The following EPAS1 variants were observed in gnomAD, a reference collection of about 807,000 sequenced individuals.
The protein encoded by EPAS1 is endothelial PAS domain protein 1, also known as endothelial PAS domain-containing protein 1.
EPAS1 carries 23 observed loss-of-function variants against 87.9 expected under a neutral mutation model. The ratio of observed to expected loss-of-function variants is 0.26; its 90% CI spans 0.19 to 0.37. The LOEUF is 0.37. Ranked by LOEUF, EPAS1 falls within the 10% of genes least tolerant of loss-of-function variation. The pLI, the probability that EPAS1 is intolerant of heterozygous loss-of-function variation, is 1.00. For synonymous variants in EPAS1, 508 were observed against 444.3 expected, an observed-to-expected ratio of 1.14 and a Z score of -1.80; for missense variants, 1,138 against 1,120.7, an observed-to-expected ratio of 1.02 and a Z score of -0.22.
chr2:46,313,617 A>G (rs1683255035), intron 1 of EPAS1, among the ~76,000 whole-genome samples: 1 of 151,820 alleles, frequency 6.6e-6, no homozygotes, highest in African/African-American at 2.4e-5. Context: ...ATGCCAGGCT[A>G]ATATTTGTAT....
At position 46,347,268 on chromosome 2, in the gene EPAS1, G is replaced by A; in HGVS notation, c.217+205G>A. ...ACCTTTACCGTGAATCCAGCTGTGA[G>A]AGGAGGGCAGGGACAGGACCAGGGA... On this transcript the variant is annotated intron_variant, in intron 2 of 15. Coordinates refer to ENST00000263734, the MANE Select transcript of EPAS1 (RefSeq NM_001430.5). This position sits in a 1 kb window ranked among gnomAD's most constrained non-coding sequence, Gnocchi z 4.2. 1.5e-6 allele frequency: 1 copy of A among 655,050 alleles called. No individual in the cohort carries two copies. The highest frequency in any genetic ancestry group is 2.7e-6 in the Non-Finnish European group (1 of 370,988). The allele number at this position is 655,050 out of a possible 1,614,324, so 40.6% of individuals were successfully genotyped here.
intron 1 of EPAS1, 36 bp downstream of exon 1, chr2:46,297,973 C>G (rs1198193433): frequency 1.2e-6 from 2 of 1,608,936 alleles, no homozygotes; most frequent in Non-Finnish European, 1.7e-6. Flanking sequence ...GGGGCCGGTC[C>G]GAGGCCAGGG....
chr2:46,362,971 G>A (rs1157623996), intron 6 of EPAS1, among the ~76,000 whole-genome samples: 8 of 87,212 alleles, frequency 9.2e-5, no homozygotes, highest in South Asian at 3.9e-4. Flanking sequence ...TGGTGGTGGT[G>A]GTGGTAGTGG....
At position 46,369,906 on chromosome 2, in the gene EPAS1, G is replaced by A. The variant is rs777687956; in HGVS notation, c.859G>A (p.Glu287Lys). The change falls in exon 7 of 16, where the codon GAG (glutamate) becomes AAG (lysine). Residue 287 changes from glutamate (E) to lysine (K), a missense_variant. Around this residue, in one of 4 missense-constraint regions of EPAS1, gnomAD observed 351 missense variants for 417.1 expected, o/e 0.84. Transcript: ENST00000263734. ...AYEFYHALDS[E>K]NMTKSHQNLC... ...TGAATTCTACCATGCGCTAGACTCC[G>A]AGAACATGACCAAGAGTCACCAGAA... The A allele has an allele frequency of 2.3e-5, 37 of 1,611,694 alleles. No individual in the cohort carries two copies. Among genetic ancestry groups the A allele is most frequent in the South Asian group, 8.8e-5 (8 of 90,416 alleles).
chr2:46,359,730 AGG>A (rs1344886335), intron 4 of EPAS1, among the ~76,000 whole-genome samples: 18 of 152,276 alleles, frequency 1.2e-4, no homozygotes, highest in African/African-American at 3.9e-4. Context: ...ATTCGAAACA[AGG>A]CTCTAGATTG....
At chr2:46,362,953 A>AGTGGTG (rs1159555840) in intron 6 of EPAS1, among the ~76,000 whole-genome samples, 45 of 78,088 alleles carry the variant, frequency 5.8e-4, no homozygotes, top group Middle Eastern at 0.015. Context: ...TGTAATTGTT[A>AGTGGTG]GTGGTGGTGG....
Position 46,380,828 on chromosome 2 carries a change from C to G in EPAS1, c.2045+111C>G. 1 of 1,543,048 alleles carries G rather than the reference C, an allele frequency of 6.5e-7. No individual in the cohort carries two copies. The highest frequency in any genetic ancestry group is 8.8e-7 in the Non-Finnish European group (1 of 1,133,810). On this transcript the variant is annotated intron_variant, in intron 12 of 15. Transcript: ENST00000263734. This position sits in a 1 kb window ranked among gnomAD's most constrained non-coding sequence, Gnocchi z 4.4. ...TGCCCCTCTCCCCAGCCATCTGATACCCCATTTAGCCCTTCTCTGAGCTCA... is the reference window on the plus strand; with the variant it reads ...TGCCCCTCTCCCCAGCCATCTGATAGCCCATTTAGCCCTTCTCTGAGCTCA...
Position 46,380,491 on chromosome 2 carries a change from ATCT to A in EPAS1, c.1824_1826del (p.Phe609del). 2 of 1,614,142 alleles carry A rather than the reference ATCT, an allele frequency of 1.2e-6. No homozygotes were observed. Among genetic ancestry groups the A allele is most frequent in the Non-Finnish European group, 1.7e-6 (2 of 1,180,020 alleles). ...GCCCGAGCACCGGCCCATGTCCTCC[ATCT>A]TCTTTGATGCCGGAAGCAAAGCATC... On this transcript the variant is annotated inframe_deletion, in exon 12 of 16. Transcript: ENST00000263734. The surrounding 1 kb of genome is among the most constrained non-coding windows in gnomAD (Gnocchi z 4.4).
intron 1 of EPAS1, among the ~76,000 whole-genome samples, chr2:46,313,492 G>T (rs114484821): frequency 0.011 from 1,617 of 151,060 alleles, 33 homozygotes; most frequent in African/African-American, 0.037. Flanking sequence ...TCACTCTGTC[G>T]CCAGGCTGCA....
chr2:46,306,598 G>C (rs913963156), intron 1 of EPAS1, among the ~76,000 whole-genome samples: 5 of 152,176 alleles, frequency 3.3e-5, no homozygotes, highest in Admixed American at 6.5e-5. Flanking sequence ...AAGCACTTTG[G>C]AGTATTGAGA....
chr2:46,323,548 G>A (rs1683494645), intron 1 of EPAS1, among the ~76,000 whole-genome samples: 1 of 152,204 alleles, frequency 6.6e-6, no homozygotes, highest in Non-Finnish European at 1.5e-5. Context: ...AAGCATAGGT[G>A]TATCCTGGAG....
intron 1 of EPAS1, among the ~76,000 whole-genome samples, chr2:46,321,880 G>A (rs1683460567): frequency 6.6e-6 from 1 of 152,162 alleles, no homozygotes; most frequent in Admixed American, 6.5e-5. Flanking sequence ...AGGCACCTCA[G>A]TAGACCTATT....
chr2:46,299,650 G>A (rs754284003), intron 1 of EPAS1, among the ~76,000 whole-genome samples: 9 of 152,328 alleles, frequency 5.9e-5, no homozygotes, highest in African/African-American at 1.4e-4. Context: ...GGCAATCGCC[G>A]AGGTGGGGCC....
chr2:46,382,196 C>T, intron 14 of EPAS1, 107 bp downstream of exon 14: 1 of 1,171,142 alleles, frequency 8.5e-7, no homozygotes, highest in Non-Finnish European at 1.2e-6. Context: ...ACCTGCCTCT[C>T]TGAGCCTTGT....
chr2:46,325,101 C>G (rs1369863577), intron 1 of EPAS1, among the ~76,000 whole-genome samples: 5 of 152,238 alleles, frequency 3.3e-5, no homozygotes, highest in African/African-American at 1.2e-4. Context: ...GGACAGGACC[C>G]TGGGAGGAAT....
At chr2:46,378,435 C>T (rs1380981477) in intron 10 of EPAS1, among the ~76,000 whole-genome samples, 3 of 152,150 alleles carry the variant, frequency 2.0e-5, no homozygotes, top group Non-Finnish European at 2.9e-5. Flanking sequence ...ACCTGTGAAG[C>T]GACAGTAGCC....
At chr2:46,381,247 G>A (rs1684883890) in intron 12 of EPAS1, 1 of 386,840 alleles carries the variant, frequency 2.6e-6, no homozygotes, top group South Asian at 2.2e-5. Flanking sequence ...CACTCCCAGG[G>A]GCCGCTGGTA....
chr2:46,316,049 T>C (rs1223216826), intron 1 of EPAS1, among the ~76,000 whole-genome samples: 2 of 152,186 alleles, frequency 1.3e-5, no homozygotes, highest in Non-Finnish European at 2.9e-5. Flanking sequence ...TGTTAACTCT[T>C]TGGTGAACAT....
At chr2:46,377,785 A>T in intron 9 of EPAS1, 109 bp from the exon 10 acceptor site, 1 of 1,542,950 alleles carries the variant, frequency 6.5e-7, no homozygotes, top group South Asian at 1.2e-5. Flanking sequence ...AGCCCCAGGC[A>T]TGCCTTCCAG....
Sources: gnomAD v4.1 joint callset for allele counts (sites outside exome capture counted in the v4.1 genomes callset) on GRCh38, gnomAD v4.1.1 for gene constraint, gnomAD v4.1.1 regional missense constraint, Gnocchi (gnomAD v3.1) non-coding constraint, MANE v1.5 for transcripts, NCBI Gene and HGNC (gene_info 2026-07-23, HGNC 2026-07-21) for gene names.